The following TMEM132B variants were observed in gnomAD, a reference collection of about 807,000 sequenced individuals.
TMEM132B encodes the protein transmembrane protein 132B.
In TMEM132B, 18 loss-of-function variants were observed where a neutral mutation model predicts 90.8. The ratio of observed to expected loss-of-function variants is 0.20; its 90% CI spans 0.14 to 0.29. The LOEUF (loss-of-function observed/expected upper bound fraction) is 0.29, where lower values mean the gene tolerates loss of function less well. TMEM132B is among the 10% of genes least tolerant of loss of function. The pLI is 1.00. For missense variants in TMEM132B, 1,096 were observed against 1,326.8 expected, an observed-to-expected ratio of 0.83 and a Z score of 2.70; for synonymous variants, 504 against 523.3, an observed-to-expected ratio of 0.96 and a Z score of 0.50.
intron 5 of TMEM132B, chr12:125,585,732 C>G (rs1885165300): frequency 1.3e-5 from 2 of 152,198 alleles, no homozygotes; most frequent in African/African-American, 4.8e-5. Context: ...TAAAAGTATC[C>G]TCTGCTCATC....
intron 3 of TMEM132B, among the ~76,000 whole-genome samples, chr12:125,419,978 A>T (rs1880125415): frequency 6.6e-6 from 1 of 152,236 alleles, no homozygotes; most frequent in African/African-American, 2.4e-5. Flanking sequence ...CGTCCAGGTC[A>T]CACTGATGCA....
chr12:125,412,964 G>C (rs558501), intron 2 of TMEM132B, among the ~76,000 whole-genome samples: 11 of 151,932 alleles, frequency 7.2e-5, no homozygotes, highest in African/African-American at 1.2e-4. Context: ...CTGAGTCTCC[G>C]GGAATTGCGG....
Position 125,400,843 on chromosome 12 carries a change from C to T in TMEM132B, c.960-14688C>T, listed in dbSNP as rs181518440. ...CAGAAAGGGTGTTGAACCTCTTTTG[C>T]ATGACTCCGCTCGACAGAATGTGAT... is the stretch of plus-strand genomic sequence containing the variant. On this transcript the variant is annotated intron_variant, in intron 2 of 8. Coordinates refer to ENST00000682704, the MANE Select transcript of TMEM132B (RefSeq NM_001366854.1). Among the ~76,000 whole-genome samples, 339 of 152,328 alleles carry T rather than the reference C, an allele frequency of 2.2e-3. 2 individuals are homozygous for T. Among genetic ancestry groups the T allele is most frequent in the African/African-American group, 7.6e-3 (316 of 41,566 alleles).
chr12:125,589,307 C>T (rs1885258232), intron 5 of TMEM132B, among the ~76,000 whole-genome samples: 1 of 151,720 alleles, frequency 6.6e-6, no homozygotes, highest in Admixed American at 6.6e-5. Context: ...ACGGTGAAAC[C>T]CTGTCTCTAC....
chr12:125,306,550 C>A (rs1875974440), intron 1 of TMEM132B, among the ~76,000 whole-genome samples: 1 of 152,196 alleles, frequency 6.6e-6, no homozygotes, highest in East Asian at 1.9e-4. Flanking sequence ...GCTAAAAAAC[C>A]TAGAGCATCC....
intron 4 of TMEM132B, among the ~76,000 whole-genome samples, chr12:125,557,874 G>A (rs1209330950): frequency 6.6e-6 from 1 of 152,160 alleles, no homozygotes; most frequent in Admixed American, 6.5e-5. Context: ...TAGATGCTGA[G>A]GGGCACCTGG....
At chr12:125,239,379 C>T (rs757139777) in intron 1 of TMEM132B, among the ~76,000 whole-genome samples, 6 of 152,118 alleles carry the variant, frequency 3.9e-5, no homozygotes, top group East Asian at 1.9e-4. Context: ...TTAAGTCAAA[C>T]GGCTTTAAGA....
intron 1 of TMEM132B, among the ~76,000 whole-genome samples, chr12:125,195,393 G>GT (rs1565972835): frequency 1.9e-5 from 2 of 102,646 alleles, no homozygotes; most frequent in Admixed American, 1.1e-4. Flanking sequence ...AGGGTTTGCG[G>GT]GTTTTTTTTT....
Position 125,519,631 on chromosome 12 carries a change from G to A in TMEM132B, c.1293+6G>A, listed in dbSNP as rs769583117. ...GCATCGTCCCTCTTGCCATGGTGAGGAATCTGGGGGTTTCAGAGGAAGTGT... is the reference window on the plus strand; with the variant it reads ...GCATCGTCCCTCTTGCCATGGTGAGAAATCTGGGGGTTTCAGAGGAAGTGT... On this transcript the variant is annotated splice_donor_region_variant and intron_variant, in intron 4 of 8. Transcript: ENST00000682704. The A allele has an allele frequency of 2.0e-5, 32 of 1,613,378 alleles. No individual in the cohort carries two copies. The highest frequency in any genetic ancestry group is 2.6e-5 in the Non-Finnish European group (31 of 1,179,920).
chr12:125,357,517 A>T (rs915117432), intron 2 of TMEM132B, among the ~76,000 whole-genome samples: 1 of 152,258 alleles, frequency 6.6e-6, no homozygotes, highest in Non-Finnish European at 1.5e-5. Context: ...TGGTACCATA[A>T]ATGGAAACCA....
intron 5 of TMEM132B, among the ~76,000 whole-genome samples, chr12:125,601,978 A>G (rs1346280678): frequency 6.6e-6 from 1 of 152,244 alleles, no homozygotes; most frequent in Non-Finnish European, 1.5e-5. Context: ...TTAATAGCCT[A>G]TCAACCAATA....
chr12:125,220,129 A>G (rs956719849), intron 1 of TMEM132B, among the ~76,000 whole-genome samples: 2 of 152,256 alleles, frequency 1.3e-5, no homozygotes, highest in Non-Finnish European at 2.9e-5. Flanking sequence ...TATAATATAC[A>G]AGCAACTACT....
At chr12:125,644,429 G>C in intron 6 of TMEM132B, 148 bp downstream of exon 6, 1 of 720,494 alleles carries the variant, frequency 1.4e-6, no homozygotes, top group Non-Finnish European at 2.3e-6. Context: ...AGATGGATCT[G>C]ACTTGAGTAC....
At chr12:125,372,687 A>G (rs1878332717) in intron 2 of TMEM132B, among the ~76,000 whole-genome samples, 1 of 152,184 alleles carries the variant, frequency 6.6e-6, no homozygotes, top group African/African-American at 2.4e-5. Flanking sequence ...TGGGAGGTAA[A>G]AAGTCCCCTT....
intron 1 of TMEM132B, among the ~76,000 whole-genome samples, chr12:125,215,538 CTTTTCTTTT>C (rs1372976991): frequency 6.6e-6 from 1 of 152,198 alleles, no homozygotes; most frequent in Admixed American, 6.5e-5. Context: ...TCTCCTGCCT[CTTTTCTTTT>C]TTTTCTTTTT....
At chr12:125,343,903 A>G (rs1287237987) in intron 1 of TMEM132B, among the ~76,000 whole-genome samples, 1 of 152,170 alleles carries the variant, frequency 6.6e-6, no homozygotes, top group African/African-American at 2.4e-5. Flanking sequence ...TAAAAACAGT[A>G]TCTATTAACA....
chr12:125,559,942 C>T (rs566804151), intron 4 of TMEM132B, among the ~76,000 whole-genome samples: 1 of 152,262 alleles, frequency 6.6e-6, no homozygotes, highest in South Asian at 2.1e-4. Context: ...GATAAGGAAG[C>T]CACTGGAAAA....
At chr12:125,344,864 G>A (rs533446480) in intron 1 of TMEM132B, among the ~76,000 whole-genome samples, 1 of 152,198 alleles carries the variant, frequency 6.6e-6, no homozygotes, top group African/African-American at 2.4e-5. Flanking sequence ...TGGAGCTGTG[G>A]AAATAGATGG....
rs893389154 is a variant in TMEM132B at position 125,243,850 on chromosome 12, C to A, written c.67+56984C>A. Among the ~76,000 whole-genome samples the A allele has an allele frequency of 1.4e-4, 22 of 152,202 alleles. 1 individual carries two copies. The highest frequency in any genetic ancestry group is 1.2e-3 in the Admixed American group (19 of 15,290). ...GCAGACCTGAACGAATGCAGACCTG[C>A]AAATGTAGCCACAGCATTTGCCTCA... is the stretch of plus-strand genomic sequence containing the variant. On this transcript the variant is annotated intron_variant, in intron 1 of 8. Coordinates refer to ENST00000682704, the MANE Select transcript of TMEM132B (RefSeq NM_001366854.1).
Sources: gnomAD v4.1 joint callset for allele counts (sites outside exome capture counted in the v4.1 genomes callset) on GRCh38, gnomAD v4.1.1 for gene constraint, MANE v1.5 for transcripts, NCBI Gene and HGNC (gene_info 2026-07-23, HGNC 2026-07-21) for gene names.